The following PDE4B variants were observed in gnomAD, a reference collection of about 807,000 sequenced individuals.
The protein encoded by PDE4B is 3',5'-cyclic-AMP phosphodiesterase 4B.
A neutral mutation model predicts 82.2 loss-of-function variants in PDE4B; 20 were observed. The observed-to-expected ratio is 0.24, with a 90% CI of 0.17 to 0.35. PDE4B has a LOEUF of 0.35. Among genes scored for constraint, PDE4B ranks in the 10% least tolerant of loss-of-function variants. PDE4B has a pLI of 1.00. For missense variants in PDE4B, 655 were observed against 907.2 expected (o/e 0.72, Z 3.57); for synonymous variants, 320 against 318.9 (o/e 1.00, Z -0.04).
At chr1:65,882,508 G>A (rs1404285873) in intron 1 of PDE4B, among the ~76,000 whole-genome samples, 1 of 152,054 alleles carries the variant, frequency 6.6e-6, no homozygotes, top group Non-Finnish European at 1.5e-5. Context: ...TAATCTCAAT[G>A]TCTAATATGC....
chr1:66,332,517 AT>A lies in PDE4B; in HGVS notation c.645del (p.Gln216LysfsTer3). On this transcript the variant is annotated frameshift_variant, in exon 8 of 17. Transcript: ENST00000341517. LOFTEE classifies it high-confidence loss of function. ...GTGTGTTTGTTTGCAGAAGAATCTTATCAAAAATTAGCAATGGAAACGCTGG... is the reference window on the plus strand; with the variant it reads ...GTGTGTTTGTTTGCAGAAGAATCTTACAAAAATTAGCAATGGAAACGCTGG... ...VSRVNPQEES[Y>X]QKLAMETLEE... 1 of 1,614,208 alleles carries A rather than the reference AT, an allele frequency of 6.2e-7. No individual in the cohort carries two copies. The highest frequency in any genetic ancestry group is 8.5e-7 in the Non-Finnish European group (1 of 1,180,038).
chr1:65,871,473 C>T (rs981511879), intron 1 of PDE4B, among the ~76,000 whole-genome samples: 5 of 152,228 alleles, frequency 3.3e-5, no homozygotes, highest in South Asian at 2.1e-4. Flanking sequence ...TTCAACTTCT[C>T]GAAGCCTCTG....
At chr1:65,948,264 C>A (rs373096967) in intron 3 of PDE4B, among the ~76,000 whole-genome samples, 170 of 151,840 alleles carry the variant, frequency 1.1e-3, no homozygotes, top group African/African-American at 3.9e-3. Context: ...TATACCTCTA[C>A]TCTTAGCAGG....
rs573257976 is a variant in PDE4B, at chr1:66,241,964, T to C, written c.282-5496T>C. The stretch of plus-strand genomic sequence containing the variant: ...ATCTTTGCATTCATTTAACAAATAT[T>C]TGTTATGTGCCTTTTGGTGTGATAC... On this transcript the variant is annotated intron_variant, in intron 3 of 16. Transcript: ENST00000341517. Among the ~76,000 whole-genome samples, 6 of 152,292 alleles carry C rather than the reference T, an allele frequency of 3.9e-5. No homozygotes were observed. In the South Asian group the frequency reaches 1.2e-3, roughly 32 times the overall value.
chr1:65,980,454 T>C (rs1650628491), intron 3 of PDE4B, among the ~76,000 whole-genome samples: 1 of 152,156 alleles, frequency 6.6e-6, no homozygotes, highest in Non-Finnish European at 1.5e-5. Flanking sequence ...TTCTTAGCTA[T>C]AAAAAAATCT....
At chr1:66,271,819 A>G (rs1405487830) in intron 7 of PDE4B, among the ~76,000 whole-genome samples, 2 of 152,206 alleles carry the variant, frequency 1.3e-5, no homozygotes, top group Non-Finnish European at 2.9e-5. Context: ...ACTTGGTTGC[A>G]TAAATTATTT....
chr1:66,266,140 T>C, intron 7 of PDE4B, 53 bp downstream of exon 7: 2 of 1,302,228 alleles, frequency 1.5e-6, no homozygotes, highest in Non-Finnish European at 2.2e-6. Flanking sequence ...ATAATAAACA[T>C]GCCTCTTATT....
chr1:65,902,022 G>T (rs1646977151), intron 1 of PDE4B, among the ~76,000 whole-genome samples: 1 of 151,890 alleles, frequency 6.6e-6, no homozygotes. Flanking sequence ...TTTTACTTCT[G>T]CCTTAATTTT....
chr1:66,371,315 TGCA>T (rs560897236), intron 16 of PDE4B, among the ~76,000 whole-genome samples: 1 of 150,686 alleles, frequency 6.6e-6, no homozygotes, highest in Non-Finnish European at 1.5e-5. Context: ...TAAATCCCAA[TGCA>T]GCATCTCTGT....
intron 12 of PDE4B, among the ~76,000 whole-genome samples, chr1:66,364,082 T>G (rs934296099): frequency 6.6e-6 from 1 of 152,206 alleles, no homozygotes; most frequent in Admixed American, 6.5e-5. Context: ...TCTCAAAATA[T>G]CTTGTTCAGT....
At chr1:65,804,777 G>C (rs1645735184) in intron 1 of PDE4B, among the ~76,000 whole-genome samples, 1 of 152,108 alleles carries the variant, frequency 6.6e-6, no homozygotes, top group Non-Finnish European at 1.5e-5. Context: ...GGAGGAGGAA[G>C]TGGGAGCTCT....
At chr1:66,177,598 C>T (rs1372041683) in intron 3 of PDE4B, among the ~76,000 whole-genome samples, 1 of 152,166 alleles carries the variant, frequency 6.6e-6, no homozygotes, top group Non-Finnish European at 1.5e-5. Context: ...AGCAAAGTTT[C>T]AAAGCCTAAA....
chr1:66,024,595 T>C (rs751166335), intron 3 of PDE4B, among the ~76,000 whole-genome samples: 6 of 152,166 alleles, frequency 3.9e-5, no homozygotes, highest in Non-Finnish European at 7.4e-5. Flanking sequence ...GTACAGGTCA[T>C]ATAATATATG....
intron 3 of PDE4B, among the ~76,000 whole-genome samples, chr1:66,004,084 GTAGAAAAAT>G (rs925367024): frequency 1.1e-4 from 17 of 152,074 alleles, no homozygotes; most frequent in African/African-American, 3.4e-4. Context: ...CTTAGAAAAA[GTAGAAAAAT>G]TAGAAAAATT....
At chr1:65,959,925 T>C (rs979138607) in intron 3 of PDE4B, among the ~76,000 whole-genome samples, 21 of 152,254 alleles carry the variant, frequency 1.4e-4, no homozygotes, top group Non-Finnish European at 1.6e-4. Context: ...TTCAGGCTGG[T>C]CTCAAACTCC....
intron 3 of PDE4B, among the ~76,000 whole-genome samples, chr1:66,198,276 G>A (rs1276099140): frequency 6.6e-6 from 1 of 152,090 alleles, no homozygotes; most frequent in East Asian, 1.9e-4. Context: ...AATAGCTGGT[G>A]TTAGAGTTCT....
chr1:65,937,818 T>C (rs1648239620), intron 3 of PDE4B, among the ~76,000 whole-genome samples: 1 of 152,166 alleles, frequency 6.6e-6, no homozygotes, highest in Non-Finnish European at 1.5e-5. Context: ...AGGTTTTATA[T>C]AAAAGGTGCC....
At chr1:66,239,961 T>A (rs1451610810) in intron 3 of PDE4B, among the ~76,000 whole-genome samples, 1 of 152,264 alleles carries the variant, frequency 6.6e-6, no homozygotes, top group African/African-American at 2.4e-5. Context: ...GGCATTTCCA[T>A]CTCTCACCAC....
intron 3 of PDE4B, among the ~76,000 whole-genome samples, chr1:66,011,238 A>AG (rs1464346896): frequency 6.6e-5 from 10 of 151,712 alleles, no homozygotes; most frequent in Middle Eastern, 3.4e-3. Flanking sequence ...AAAAAAAAAA[A>AG]AGAACTGGTG....
Sources: gnomAD v4.1 joint callset for allele counts (sites outside exome capture counted in the v4.1 genomes callset) on GRCh38, gnomAD v4.1.1 for gene constraint, MANE v1.5 for transcripts, NCBI Gene and HGNC (gene_info 2026-07-23, HGNC 2026-07-21) for gene names.